The following ROCK2 variants were observed in gnomAD, a reference collection of about 807,000 sequenced individuals.
ROCK2 encodes the protein Rho associated coiled-coil containing protein kinase 2.
In ROCK2, 61 loss-of-function variants were observed where a neutral mutation model predicts 195.1. The observed-to-expected ratio is 0.31, with a 90% confidence interval of 0.25 to 0.39. The LOEUF is 0.39. ROCK2 is among the 10% of genes least tolerant of loss of function. The pLI, the probability that ROCK2 is intolerant of heterozygous loss-of-function variation, is 1.00. For missense variants in ROCK2, 1,109 were observed against 1,637.4 expected (o/e 0.68, Z 5.57); for synonymous variants, 504 against 545.5 (o/e 0.92, Z 1.06).
chr2:11,284,007 A>G (rs1667105520), intron 3 of ROCK2, among the ~76,000 whole-genome samples: 1 of 152,254 alleles, frequency 6.6e-6, no homozygotes, highest in Non-Finnish European at 1.5e-5. Context: ...GGAGGCAATC[A>G]ATATGCCCTT....
intron 3 of ROCK2, among the ~76,000 whole-genome samples, chr2:11,270,110 T>C (rs1355860726): frequency 1.1e-4 from 1 of 9,204 alleles, no homozygotes; most frequent in African/African-American, 1.3e-4. Context: ...ATTGGTAATT[T>C]TGCTTTCTTT....
Position 11,344,322 on chromosome 2 carries a change from G to A in ROCK2, c.-186C>T, listed in dbSNP as rs1669212283. 3 of 1,164,810 alleles carry A rather than the reference G, an allele frequency of 2.6e-6. No homozygotes were observed. The highest frequency in any genetic ancestry group is 3.2e-6 in the Non-Finnish European group (3 of 947,982). The allele number at this position is 1,164,810 out of a possible 1,614,324, so 72.2% of individuals were successfully genotyped here. On this transcript the variant is annotated 5_prime_UTR_variant, in exon 1 of 33. Transcript: ENST00000315872. The surrounding 1 kb of genome is among the most constrained non-coding windows in gnomAD (Gnocchi z 5.4). ...GGGGCTGCTCCCAGGGGCCCGCCCG[G>A]CCCAGCCCGGCCCAGCCCGGCCCGG...
chr2:11,337,781 G>A lies in ROCK2; in HGVS notation c.141+6215C>T, dbSNP rs549594194. Among the ~76,000 whole-genome samples, 12 of 151,952 alleles carry A rather than the reference G, an allele frequency of 7.9e-5. No homozygotes were observed. In the East Asian group the frequency reaches 1.9e-3, roughly 25 times the overall value. On this transcript the variant is annotated intron_variant, in intron 1 of 32. Coordinates refer to ENST00000315872, the MANE Select transcript of ROCK2 (RefSeq NM_004850.5). ...CCCAAGCAGCTGGGATTACAGGTGC[G>A]TGCCACCACGCCTGGCTAATTTTTT... is the stretch of plus-strand genomic sequence containing the variant.
At chr2:11,224,562 G>A (rs1664748694) in intron 6 of ROCK2, 102 bp from the exon 7 acceptor site, 2 of 1,020,222 alleles carry the variant, frequency 2.0e-6, no homozygotes, top group African/African-American at 1.6e-5. Flanking sequence ...GTCACATGCA[G>A]GGAAGAACAA....
At chr2:11,332,481 CATT>C (rs1668800967) in intron 1 of ROCK2, among the ~76,000 whole-genome samples, 1 of 152,182 alleles carries the variant, frequency 6.6e-6, no homozygotes, top group African/African-American at 2.4e-5. Context: ...ACTCATGACA[CATT>C]AGCAAAAATC....
intron 1 of ROCK2, among the ~76,000 whole-genome samples, chr2:11,326,830 G>A (rs1408292780): frequency 2.0e-5 from 3 of 152,190 alleles, no homozygotes; most frequent in African/African-American, 7.2e-5. Flanking sequence ...CAAATGCTAC[G>A]GAGGAGATAA....
intron 23 of ROCK2, among the ~76,000 whole-genome samples, chr2:11,199,703 G>C (rs1215601663): frequency 6.6e-6 from 1 of 152,094 alleles, no homozygotes; most frequent in Non-Finnish European, 1.5e-5. Flanking sequence ...GCATTAAATT[G>C]CTGATACAAA....
intron 9 of ROCK2, 84 bp from the exon 10 acceptor site, chr2:11,219,110 A>AT (rs1664534028): frequency 1.5e-6 from 1 of 662,444 alleles, no homozygotes; most frequent in African/African-American, 1.8e-5. Flanking sequence ...TCAGACTTAA[A>AT]TATCAAACAC....
rs184645589 is a variant in ROCK2 at position 11,259,355 on chromosome 2, T to C, written c.325-9557A>G. 2.1e-4 allele frequency among the ~76,000 whole-genome samples: 32 copies of C among 151,406 alleles called. 1 individual carries two copies. Among genetic ancestry groups the C allele is most frequent in the African/African-American group, 7.1e-4 (29 of 40,698 alleles). On this transcript the variant is annotated intron_variant, in intron 3 of 32. Transcript: ENST00000315872. ...AAATCAGTGTTTGCATATCATATAC[T>C]GTAAATGGAACTGCAAGACAAATGT...
intron 17 of ROCK2, among the ~76,000 whole-genome samples, chr2:11,213,650 T>C (rs1007773437): frequency 1.3e-5 from 2 of 151,894 alleles, no homozygotes; most frequent in Non-Finnish European, 2.9e-5. Flanking sequence ...GCCTTTTTTA[T>C]TTTCCATCTT....
At chr2:11,263,667 AC>A (rs1244211858) in intron 3 of ROCK2, among the ~76,000 whole-genome samples, 15 of 150,568 alleles carry the variant, frequency 1.0e-4, no homozygotes, top group Non-Finnish European at 1.6e-4. Context: ...ACACACACAC[AC>A]ACACAAAAAA....
intron 1 of ROCK2, among the ~76,000 whole-genome samples, chr2:11,330,756 A>AGGAGGGAGGAGGAGGAGGGAGGAGGG (rs1558399657): frequency 1.1e-5 from 1 of 87,546 alleles, no homozygotes; most frequent in African/African-American, 3.9e-5. Flanking sequence ...AGGGAGGAGG[A>AGGAGGGAGGAGGAGGAGGGAGGAGGG]GGAGGGAGGA....
chr2:11,344,014 G>A lies in ROCK2; in HGVS notation c.123C>T (p.Ile41=). The A allele has an allele frequency of 6.3e-7, 1 of 1,590,404 alleles. No individual in the cohort carries two copies. The highest frequency in any genetic ancestry group is 8.6e-7 in the Non-Finnish European group (1 of 1,169,518). The stretch of plus-strand genomic sequence containing the variant: ...CACCTACCAGCAAGCTCTCCACGTT[G>A]ATGGGGGAGCGAGGGTCTCGGATCA... ...EALIRDPRSP[I]NVESLLDGLN... Residue 41 remains isoleucine (I), a synonymous_variant, in exon 1 of 33, where the codon ATC becomes ATT. Transcript: ENST00000315872. This position sits in a 1 kb window ranked among gnomAD's most constrained non-coding sequence, Gnocchi z 5.4.
chr2:11,195,641 G>A (rs1412956503), intron 27 of ROCK2, among the ~76,000 whole-genome samples: 1 of 152,046 alleles, frequency 6.6e-6, no homozygotes, highest in Non-Finnish European at 1.5e-5. Context: ...TGGCTTCCCA[G>A]GTAGCTGGGA....
intron 4 of ROCK2, among the ~76,000 whole-genome samples, chr2:11,238,209 A>AGTGTGTGTGTGTGTGTGTGTGTGTGT (rs6146630): frequency 0.015 from 2,096 of 135,254 alleles, 75 homozygotes; most frequent in African/African-American, 0.04. Flanking sequence ...ATTGAGAAAG[A>AGTGTGTGTGTGTGTGTGTGTGTGTGT]GTGTGTGTGT....
At chr2:11,277,094 ATG>A (rs1474218413) in intron 3 of ROCK2, among the ~76,000 whole-genome samples, 1 of 152,192 alleles carries the variant, frequency 6.6e-6, no homozygotes, top group Non-Finnish European at 1.5e-5. Context: ...TATTACAGGA[ATG>A]CATTAGTGTG....
intron 1 of ROCK2, among the ~76,000 whole-genome samples, chr2:11,294,478 C>CATT (rs1667453881): frequency 6.6e-6 from 1 of 152,118 alleles, no homozygotes; most frequent in Admixed American, 6.6e-5. Context: ...ATTATACAGT[C>CATT]TTAATATCAC....
chr2:11,324,716 A>T (rs956048667), intron 1 of ROCK2, among the ~76,000 whole-genome samples: 23 of 152,260 alleles, frequency 1.5e-4, no homozygotes, highest in Non-Finnish European at 1.6e-4. Flanking sequence ...TGGAAAAATG[A>T]CACAGAAATC....
chr2:11,336,367 A>G (rs1293468490), intron 1 of ROCK2, among the ~76,000 whole-genome samples: 1 of 152,184 alleles, frequency 6.6e-6, no homozygotes, highest in Non-Finnish European at 1.5e-5. Context: ...CTCCTGCCTC[A>G]GCCTCCTGGG....
Sources: allele counts gnomAD v4.1 joint callset (sites outside exome capture counted in the v4.1 genomes callset), GRCh38; gene constraint gnomAD v4.1.1; non-coding constraint Gnocchi (gnomAD v3.1); transcripts MANE v1.5; gene names NCBI Gene and HGNC (gene_info 2026-07-23, HGNC 2026-07-21).